Variants in PPP1R16B observed in about 807,000 individuals in gnomAD.
PPP1R16B encodes the protein protein phosphatase 1 regulatory inhibitor subunit 16B.
PPP1R16B carries 14 observed loss-of-function variants against 61.7 expected under a neutral mutation model. The observed-to-expected ratio is 0.23, with a 90% CI of 0.15 to 0.35. The LOEUF (loss-of-function observed/expected upper bound fraction) is 0.35, where lower values mean the gene tolerates loss of function less well. PPP1R16B is among the 10% of genes least tolerant of loss of function. The pLI is 1.00. For synonymous variants in PPP1R16B, 266 were observed against 305.3 expected (o/e 0.87, Z 1.34); for missense variants, 547 against 752.5 (o/e 0.73, Z 3.19).
At chr20:38,853,314 C>T (rs373522908) in intron 2 of PPP1R16B, among the ~76,000 whole-genome samples, 2 of 152,338 alleles carry the variant, frequency 1.3e-5, no homozygotes, top group Admixed American at 6.5e-5. Flanking sequence ...CCACTGCCCT[C>T]ATCCTTTGTC....
chr20:38,863,130 C>T (rs1367602528), intron 2 of PPP1R16B, among the ~76,000 whole-genome samples: 1 of 152,132 alleles, frequency 6.6e-6, no homozygotes, highest in Non-Finnish European at 1.5e-5. Flanking sequence ...CTAGGAAGCC[C>T]ACCACCCAGG....
intron 2 of PPP1R16B, among the ~76,000 whole-genome samples, chr20:38,876,013 G>A (rs1601281289): frequency 9.5e-6 from 1 of 105,128 alleles, no homozygotes; most frequent in Non-Finnish European, 1.8e-5. Flanking sequence ...CGCTCTTGTT[G>A]CCCAGGCTGG....
At chr20:38,895,884 TTCTTCCCTCCCTC>T (rs2085334991) in intron 4 of PPP1R16B, among the ~76,000 whole-genome samples, 174 bp downstream of exon 4, 19 of 114,344 alleles carry the variant, frequency 1.7e-4, no homozygotes, top group Non-Finnish European at 2.7e-4. Flanking sequence ...CCTTCCTTCT[TTCTTCCCTCCCTC>T]CCTCCTTCCT....
intron 10 of PPP1R16B, among the ~76,000 whole-genome samples, chr20:38,912,500 C>A (rs74774270): frequency 1.4e-4 from 19 of 134,406 alleles, no homozygotes; most frequent in East Asian, 2.2e-4. Flanking sequence ...CTCTACCCCC[C>A]ACCAAAAAAA....
At chr20:38,849,287 A>G (rs1270475490) in intron 2 of PPP1R16B, among the ~76,000 whole-genome samples, 1 of 152,218 alleles carries the variant, frequency 6.6e-6, no homozygotes, top group Non-Finnish European at 1.5e-5. Context: ...CATTATTTGC[A>G]GATGATAAGG....
chr20:38,874,409 C>T (rs2085151681), intron 2 of PPP1R16B, among the ~76,000 whole-genome samples: 1 of 152,122 alleles, frequency 6.6e-6, no homozygotes, highest in Non-Finnish European at 1.5e-5. Context: ...CTCAGACAAC[C>T]TTATGAGATT....
intron 2 of PPP1R16B, among the ~76,000 whole-genome samples, chr20:38,865,729 G>C (rs1215465450): frequency 6.6e-6 from 1 of 152,198 alleles, no homozygotes; most frequent in Non-Finnish European, 1.5e-5. Flanking sequence ...AGGTGGCAGG[G>C]CCGGATTCCT....
At chr20:38,839,915 T>C (rs2084898967) in intron 2 of PPP1R16B, among the ~76,000 whole-genome samples, 2 of 152,224 alleles carry the variant, frequency 1.3e-5, no homozygotes, top group Admixed American at 1.3e-4. Flanking sequence ...ACAGATGTGA[T>C]GAAATGAAAG....
chr20:38,914,318 C>G (rs1013937065), intron 10 of PPP1R16B, among the ~76,000 whole-genome samples: 2 of 152,222 alleles, frequency 1.3e-5, no homozygotes, highest in African/African-American at 4.8e-5. Context: ...GTCGTCTGAG[C>G]GTTCTGGAAA....
At chr20:38,892,527 T>TTGTTGAAATAGTGTTGAAATA (rs2085299918) in intron 3 of PPP1R16B, among the ~76,000 whole-genome samples, 1 of 152,090 alleles carries the variant, frequency 6.6e-6, no homozygotes, top group African/African-American at 2.4e-5. Context: ...AAATACCTAT[T>TTGTTGAAATAGTGTTGAAATA]GTGTACCCAC....
chr20:38,871,046 C>T (rs2085125488), intron 2 of PPP1R16B, among the ~76,000 whole-genome samples: 1 of 152,166 alleles, frequency 6.6e-6, no homozygotes, highest in Non-Finnish European at 1.5e-5. Context: ...CCCGTGTGTA[C>T]CCTCATCATC....
intron 6 of PPP1R16B, among the ~76,000 whole-genome samples, chr20:38,904,171 G>A (rs1035209064): frequency 6.6e-6 from 1 of 152,240 alleles, no homozygotes; most frequent in African/African-American, 2.4e-5. Context: ...AATGGGGTCA[G>A]GTAGGAAGTC....
chr20:38,865,621 C>T (rs1231618844), intron 2 of PPP1R16B, among the ~76,000 whole-genome samples: 32 of 152,172 alleles, frequency 2.1e-4, no homozygotes, highest in Admixed American at 2.1e-3. Flanking sequence ...TCACCTGGTA[C>T]ACCTTCCACT....
chr20:38,903,551 ATCCATCCATCCATCCGTCCG>A (rs2085413706), intron 6 of PPP1R16B, among the ~76,000 whole-genome samples: 1 of 112,942 alleles, frequency 8.9e-6, no homozygotes, highest in Non-Finnish European at 1.8e-5. Context: ...CCATCCATCC[ATCCATCCATCCATCCGTCCG>A]TCCGTCCGTC....
chr20:38,867,127 A>AC (rs1432881648), intron 2 of PPP1R16B, among the ~76,000 whole-genome samples: 3 of 151,896 alleles, frequency 2.0e-5, no homozygotes, highest in Admixed American at 6.6e-5. Context: ...GTGTGGATAG[A>AC]CCCCCTGTCC....
At chr20:38,839,907 A>G (rs748399421) in intron 2 of PPP1R16B, among the ~76,000 whole-genome samples, 3 of 152,252 alleles carry the variant, frequency 2.0e-5, no homozygotes, top group Non-Finnish European at 4.4e-5. Flanking sequence ...TATCGAGGAC[A>G]GATGTGATGA....
At chr20:38,811,717 G>T (rs1446493724) in intron 1 of PPP1R16B, among the ~76,000 whole-genome samples, 2 of 152,176 alleles carry the variant, frequency 1.3e-5, no homozygotes, top group Non-Finnish European at 2.9e-5. Flanking sequence ...AGACGTTTTT[G>T]GTTGTTACAA....
intron 4 of PPP1R16B, among the ~76,000 whole-genome samples, chr20:38,898,108 TA>T (rs2145770422): frequency 6.6e-6 from 1 of 152,350 alleles, no homozygotes; most frequent in South Asian, 2.1e-4. Context: ...CTAAGAGTTT[TA>T]TAGTTTTAGG....
Position 38,908,300 on chromosome 20 carries a change from C to T in PPP1R16B, c.1194+107C>T. 3 of 1,365,398 alleles carry T rather than the reference C, an allele frequency of 2.2e-6. No individual in the cohort carries two copies. The South Asian group carries it at 4.1e-5, about 19-fold the overall frequency. The allele number at this position is 1,365,398 out of a possible 1,614,324, so 84.6% of individuals were successfully genotyped here. A position where few individuals can be genotyped will look rare whatever the true frequency, so the allele number is the denominator to read the frequency against. ...CTGAGAGCCTTCAGAGGGAAGTAGC[C>T]AGGCACTGCCCTTAAACTAGCATAT... On this transcript the variant is annotated intron_variant, in intron 10 of 10. Coordinates refer to ENST00000299824, the MANE Select transcript of PPP1R16B (RefSeq NM_015568.4).
Sources: gnomAD v4.1 joint callset for allele counts (sites outside exome capture counted in the v4.1 genomes callset) on GRCh38, gnomAD v4.1.1 for gene constraint, MANE v1.5 for transcripts, NCBI Gene and HGNC (gene_info 2026-07-23, HGNC 2026-07-21) for gene names.